DPP10: variants seen among roughly 807,000 people sequenced by gnomAD.
The protein encoded by DPP10 is dipeptidyl peptidase like 10.
Under a neutral mutation model 120.9 loss-of-function variants are expected in DPP10, and 33 were observed. The observed-to-expected ratio is 0.27, with a 90% confidence interval of 0.21 to 0.37. The LOEUF is 0.37. Among genes scored for constraint, DPP10 ranks in the 10% least tolerant of loss-of-function variants. DPP10 has a pLI of 1.00. For synonymous variants in DPP10, 337 were observed against 326.1 expected (o/e 1.03, Z -0.36); for missense variants, 816 against 942.8 (o/e 0.87, Z 1.76).
intron 5 of DPP10, among the ~76,000 whole-genome samples, chr2:115,534,998 G>T (rs1260285413): frequency 6.7e-6 from 1 of 148,766 alleles, no homozygotes; most frequent in South Asian, 2.1e-4. Flanking sequence ...GTTCATTGTA[G>T]ATTCTGGATA....
intron 3 of DPP10, among the ~76,000 whole-genome samples, chr2:115,349,841 C>T (rs2063910564): frequency 6.6e-6 from 1 of 152,034 alleles, no homozygotes; most frequent in South Asian, 2.1e-4. Context: ...TGTTGTGTTT[C>T]TCAGTGCACA....
At chr2:114,979,004 C>T (rs1042964908) in intron 1 of DPP10, among the ~76,000 whole-genome samples, 2 of 152,076 alleles carry the variant, frequency 1.3e-5, no homozygotes, top group Admixed American at 1.3e-4. Context: ...CAGAGAAAGA[C>T]ATAGCCTAGC....
Position 114,490,791 on chromosome 2 carries a change from CG to C in DPP10, c.60+47959del, listed in dbSNP as rs1354699513. ...TTAATCCATGATGTATATATGGGGG[CG>C]GGGGGTAATGTGAACTCAGAAAACT... On this transcript the variant is annotated intron_variant, in intron 1 of 25. Transcript: ENST00000410059. Among the ~76,000 whole-genome samples, 3 of 145,016 alleles carry C rather than the reference CG, an allele frequency of 2.1e-5. No homozygotes were observed. The East Asian group carries it at 6.1e-4, about 30-fold the overall frequency.
intron 1 of DPP10, among the ~76,000 whole-genome samples, chr2:114,704,228 C>T (rs1051292306): frequency 6.6e-6 from 1 of 152,050 alleles, no homozygotes; most frequent in Non-Finnish European, 1.5e-5. Flanking sequence ...GACATGCCAG[C>T]AATAGCAGTG....
chr2:115,280,542 A>G (rs756429446), intron 1 of DPP10, among the ~76,000 whole-genome samples: 5 of 152,248 alleles, frequency 3.3e-5, no homozygotes, highest in African/African-American at 4.8e-5. Context: ...AGATACTCAT[A>G]GTCATCCAAT....
At chr2:115,752,123 C>T (rs1227255452) in intron 10 of DPP10, among the ~76,000 whole-genome samples, 2 of 152,134 alleles carry the variant, frequency 1.3e-5, no homozygotes, top group Non-Finnish European at 2.9e-5. Flanking sequence ...AGTTTTAATA[C>T]AGTACATTGA....
At chr2:115,786,448 TA>T (rs1303871587) in intron 17 of DPP10, among the ~76,000 whole-genome samples, 3 of 152,176 alleles carry the variant, frequency 2.0e-5, no homozygotes, top group Admixed American at 6.5e-5. Flanking sequence ...CATTTTATTT[TA>T]TTTTTTTTCT....
chr2:114,793,670 G>T (rs1294951062), intron 1 of DPP10, among the ~76,000 whole-genome samples: 1 of 152,008 alleles, frequency 6.6e-6, no homozygotes. Flanking sequence ...TATTGTTTAG[G>T]CTCAAAGCGC....
At chr2:115,124,700 A>G (rs2049986310) in intron 1 of DPP10, among the ~76,000 whole-genome samples, 1 of 152,254 alleles carries the variant, frequency 6.6e-6, no homozygotes, top group Admixed American at 6.5e-5. Flanking sequence ...CTTTGTTTCT[A>G]TCATGTAAAT....
chr2:115,068,330 CT>C lies in DPP10; in HGVS notation c.61-240898del, dbSNP rs904917217. Among the ~76,000 whole-genome samples, 1,269 of 145,662 alleles carry C rather than the reference CT, an allele frequency of 8.7e-3. 11 individuals are homozygous for C. The highest frequency in any genetic ancestry group is 0.029 in the African/African-American group (1,155 of 40,008). Reference sequence around the variant, plus strand: ...TTCCCTGATGATTAGTAATGTTCAGCTTTTTTTTTTTCATGTACCTATTGGC... The same window carrying C: ...TTCCCTGATGATTAGTAATGTTCAGCTTTTTTTTTTCATGTACCTATTGGC... On this transcript the variant is annotated intron_variant, in intron 1 of 25. Transcript: ENST00000410059.
At chr2:114,959,802 C>G (rs1245581614) in intron 1 of DPP10, among the ~76,000 whole-genome samples, 1 of 152,192 alleles carries the variant, frequency 6.6e-6, no homozygotes. Context: ...TTTTGGTTCG[C>G]AGTTTTCTAA....
In DPP10 at chr2:114,817,716, A is replaced by G. The variant is rs183108226; in HGVS notation, c.60+374878A>G. Among the ~76,000 whole-genome samples the G allele has an allele frequency of 1.1e-4, 16 of 152,336 alleles. No homozygotes were observed. In the East Asian group the frequency reaches 3.1e-3, roughly 29 times the overall value. On this transcript the variant is annotated intron_variant, in intron 1 of 25. Transcript: ENST00000410059. ...AAGGTGGAGAAATGCATGTGACATT[A>G]AGAACTGAGAACAAAAGAAACATAA... is the stretch of plus-strand genomic sequence containing the variant.
At chr2:115,534,041 A>C (rs1185363697) in intron 5 of DPP10, among the ~76,000 whole-genome samples, 1 of 152,080 alleles carries the variant, frequency 6.6e-6, no homozygotes, top group African/African-American at 2.4e-5. Context: ...TTTTTGGTGA[A>C]AGTTACTAAT....
chr2:114,786,649 G>A (rs141828888), intron 1 of DPP10, among the ~76,000 whole-genome samples: 1 of 152,296 alleles, frequency 6.6e-6, no homozygotes, highest in African/African-American at 2.4e-5. Flanking sequence ...CTCATTAGGA[G>A]CTCATCCAGA....
At chr2:115,205,878 G>T (rs996720636) in intron 1 of DPP10, among the ~76,000 whole-genome samples, 1 of 152,152 alleles carries the variant, frequency 6.6e-6, no homozygotes, top group Non-Finnish European at 1.5e-5. Context: ...GCTGGAAGAG[G>T]GGGAAGCAGG....
intron 1 of DPP10, among the ~76,000 whole-genome samples, chr2:115,170,154 G>C (rs2053209899): frequency 6.6e-6 from 1 of 152,190 alleles, no homozygotes; most frequent in Non-Finnish European, 1.5e-5. Context: ...CTTTTGGCAA[G>C]AGTTGAGTAA....
chr2:114,634,364 A>AT (rs1043123494), intron 1 of DPP10, among the ~76,000 whole-genome samples: 5 of 148,698 alleles, frequency 3.4e-5, no homozygotes, highest in African/African-American at 1.3e-4. Context: ...ATACAGAGCC[A>AT]TTTTTTTAAG....
chr2:115,226,184 A>G (rs938374321), intron 1 of DPP10, among the ~76,000 whole-genome samples: 1 of 152,138 alleles, frequency 6.6e-6, no homozygotes, highest in Admixed American at 6.6e-5. Context: ...CAACATTCTC[A>G]TAGTGGGTGA....
intron 5 of DPP10, among the ~76,000 whole-genome samples, chr2:115,595,644 A>G (rs1366712978): frequency 6.6e-6 from 1 of 152,078 alleles, no homozygotes; most frequent in African/African-American, 2.4e-5. Flanking sequence ...CTTTTTTAAC[A>G]TTAATCTGCC....
Sources: gnomAD v4.1 joint callset for allele counts (sites outside exome capture counted in the v4.1 genomes callset) on GRCh38, gnomAD v4.1.1 for gene constraint, MANE v1.5 for transcripts, NCBI Gene and HGNC (gene_info 2026-07-23, HGNC 2026-07-21) for gene names.